HBS1L: variants seen among roughly 807,000 people sequenced by gnomAD.
HBS1L encodes HBS1 like translational GTPase, also known as HBS1-like protein.
A neutral mutation model predicts 88.9 loss-of-function variants in HBS1L; 55 were observed. That is an observed-to-expected ratio of 0.62 (90% CI 0.50 to 0.77). HBS1L has a LOEUF of 0.77. Among genes scored for constraint, HBS1L ranks in the 30% least tolerant of loss-of-function variants. HBS1L has a pLI of 0.00. For missense variants in HBS1L, 741 were observed against 829.3 expected, an observed-to-expected ratio of 0.89 and a Z score of 1.31; for synonymous variants, 267 against 288.5, an observed-to-expected ratio of 0.93 and a Z score of 0.76.
intron 3 of HBS1L, among the ~76,000 whole-genome samples, chr6:135,040,502 C>CCA (rs1327497771): frequency 6.6e-6 from 1 of 151,964 alleles, no homozygotes; most frequent in African/African-American, 2.4e-5. Context: ...TGGACGCCCG[C>CCA]CACCATGCCC....
intron 4 of HBS1L, among the ~76,000 whole-genome samples, 192 bp from the exon 5 acceptor site, chr6:135,003,034 C>T (rs191718357): frequency 1.3e-5 from 2 of 152,194 alleles, no homozygotes; most frequent in East Asian, 3.9e-4. Context: ...TCTAGGAAAT[C>T]CCCTATTGTC....
In HBS1L at chr6:135,005,223, C is replaced by T. The variant is rs149775038; in HGVS notation, c.431-2381G>A. 2.2e-4 allele frequency among the ~76,000 whole-genome samples: 33 copies of T among 152,318 alleles called. No homozygotes were observed. The East Asian group carries it at 4.6e-3, about 21-fold the overall frequency. On this transcript the variant is annotated intron_variant, in intron 4 of 17. Transcript: ENST00000367837. ...GTAAGGTGAGAAATGAAGGCATGTT[C>T]ACTACCTCTCAGCTATAATTTCAAA...
chr6:134,978,637 G>A (rs1774721501), intron 15 of HBS1L, 42 bp downstream of exon 15: 1 of 1,110,364 alleles, frequency 9.0e-7, no homozygotes, highest in Non-Finnish European at 1.3e-6. Flanking sequence ...AAGTTACTTT[G>A]AATTTATAAA....
At chr6:135,016,063 T>C (rs1190587901) in intron 4 of HBS1L, among the ~76,000 whole-genome samples, 2 of 151,864 alleles carry the variant, frequency 1.3e-5, no homozygotes, top group African/African-American at 4.8e-5. Context: ...ATTTTTGTAT[T>C]TTAGAAGAGA....
chr6:134,984,252 T>C (rs958382522), intron 12 of HBS1L, among the ~76,000 whole-genome samples: 3 of 152,208 alleles, frequency 2.0e-5, no homozygotes, highest in Non-Finnish European at 4.4e-5. Flanking sequence ...ATGATAAATT[T>C]TGATTTCATT....
intron 13 of HBS1L, among the ~76,000 whole-genome samples, chr6:134,980,199 A>C (rs949283834): frequency 2.0e-5 from 3 of 152,006 alleles, no homozygotes; most frequent in African/African-American, 7.2e-5. Context: ...ATCCACCCAT[A>C]TCTTTCTGAA....
At chr6:134,985,989 C>A (rs2114782024) in intron 11 of HBS1L, 77 bp downstream of exon 11, 1 of 713,554 alleles carries the variant, frequency 1.4e-6, no homozygotes, top group Non-Finnish European at 2.5e-6. Context: ...ACGTGTGACT[C>A]TCTCCCATAA....
chr6:135,018,623 T>G (rs1418616041), intron 4 of HBS1L, among the ~76,000 whole-genome samples: 1 of 151,990 alleles, frequency 6.6e-6, no homozygotes, highest in Non-Finnish European at 1.5e-5. Flanking sequence ...TTCTTGTTAC[T>G]AATAATTTTC....
chr6:135,045,561 C>T (rs187177611), intron 2 of HBS1L, among the ~76,000 whole-genome samples: 2 of 152,292 alleles, frequency 1.3e-5, no homozygotes, highest in Admixed American at 6.5e-5. Flanking sequence ...TCTGGCCAGG[C>T]ACAGTGGCTC....
intron 7 of HBS1L, among the ~76,000 whole-genome samples, chr6:134,995,929 T>C (rs1372479989): frequency 6.6e-6 from 1 of 152,082 alleles, no homozygotes. Flanking sequence ...TATATGTTTA[T>C]AATGGAGACT....
intron 4 of HBS1L, among the ~76,000 whole-genome samples, chr6:135,039,356 G>A (rs188051243): frequency 4.6e-5 from 7 of 151,650 alleles, no homozygotes; most frequent in Non-Finnish European, 1.0e-4. Flanking sequence ...CAATCAAGCA[G>A]TAAAATAACC....
intron 2 of HBS1L, among the ~76,000 whole-genome samples, chr6:135,048,702 T>C (rs1776988529): frequency 6.6e-6 from 1 of 152,232 alleles, no homozygotes; most frequent in Admixed American, 6.5e-5. Flanking sequence ...CTATAATACC[T>C]CATTAACAAC....
In HBS1L at chr6:135,039,584, T is replaced by C. The variant is rs1220482985; in HGVS notation, c.419A>G (p.Lys140Arg). 1.2e-6 allele frequency: 2 copies of C among 1,613,404 alleles called. No individual in the cohort carries two copies. The highest frequency in any genetic ancestry group is 2.7e-5 in the African/African-American group (2 of 74,906). The change falls in exon 4 of 18, where the codon AAG (lysine) becomes AGG (arginine). Residue 140 changes from lysine to arginine, a missense_variant. Physicochemically the swap from Lys to Arg is conservative, Grantham distance 26. This residue lies in a region of HBS1L where 556 missense variants were observed against 598.4 expected (regional missense o/e 0.93). Coordinates refer to ENST00000367837, the MANE Select transcript of HBS1L (RefSeq NM_006620.4). ...DKNEATVSTG[K>R]IAKGKPVDSQ... is the part of the protein sequence containing the mutation. ...AAGTAAAGGCATACCTTTTGCTATC[T>C]TTCCTGTAGATACTGTTGCCTCATT...
In HBS1L at chr6:134,960,951, A is replaced by G. The variant is rs1169985535; in HGVS notation, c.*4328T>C. 6.6e-6 allele frequency: 1 copy of G among 152,142 alleles called. No homozygotes were observed. 9.4% of individuals were successfully genotyped at this position (152,142 alleles called of 1,614,324 possible). On this transcript the variant is annotated 3_prime_UTR_variant, in exon 18 of 18. Transcript: ENST00000367837. ...AAAATAGGAATATTTTGCAGATAGC[A>G]TATCATTAGCTTTGCAGTTTGAGTC...
At position 134,963,723 on chromosome 6, in the gene HBS1L, A is replaced by C. The variant is rs1583048485; in HGVS notation, c.*1556T>G. The C allele has an allele frequency of 1.3e-5, 2 of 152,338 alleles. No homozygotes were observed. Among genetic ancestry groups the C allele is most frequent in the South Asian group, 4.2e-4 (2 of 4,812 alleles). The allele number at this position is 152,338 out of a possible 1,614,324, so 9.4% of individuals were successfully genotyped here. A position where few individuals can be genotyped will look rare whatever the true frequency, so the allele number is the denominator to read the frequency against. ...AGGTGTGAGCCACCGCGCCCGGCCG[A>C]GAGTTCTATATAGAGTTTGAGAGCA... On this transcript the variant is annotated 3_prime_UTR_variant, in exon 18 of 18. Transcript: ENST00000367837.
chr6:134,999,592 C>T (rs1044647936), intron 5 of HBS1L, among the ~76,000 whole-genome samples: 43 of 151,658 alleles, frequency 2.8e-4, no homozygotes, highest in African/African-American at 4.6e-4. Context: ...GGATTACAGG[C>T]GCTGGCCACT....
chr6:135,011,542 T>G (rs1454668255), intron 4 of HBS1L, among the ~76,000 whole-genome samples: 1 of 152,112 alleles, frequency 6.6e-6, no homozygotes, highest in East Asian at 1.9e-4. Flanking sequence ...TCTCCCTGAT[T>G]AAAGATACCA....
intron 15 of HBS1L, among the ~76,000 whole-genome samples, chr6:134,975,513 C>A (rs1232734944): frequency 6.6e-6 from 1 of 152,096 alleles, no homozygotes; most frequent in Non-Finnish European, 1.5e-5. Context: ...AATTATACTA[C>A]AGGCTATAAT....
chr6:135,036,004 G>T, intron 4 of HBS1L: 1 of 667,858 alleles, frequency 1.5e-6, no homozygotes, highest in Non-Finnish European at 1.8e-6. Context: ...TATCAAAAAT[G>T]TATTTCAACA....
Sources: gnomAD v4.1 joint callset for allele counts (sites outside exome capture counted in the v4.1 genomes callset) on GRCh38, gnomAD v4.1.1 for gene constraint, gnomAD v4.1.1 regional missense constraint, MANE v1.5 for transcripts, NCBI Gene and HGNC (gene_info 2026-07-23, HGNC 2026-07-21) for gene names.